Variants in EML4 observed in about 807,000 individuals in gnomAD.
The protein encoded by EML4 is EMAP like 4, also known as echinoderm microtubule-associated protein-like 4.
EML4 carries 72 observed loss-of-function variants against 129.0 expected under a neutral mutation model. That is an observed-to-expected ratio of 0.56 (90% CI 0.46 to 0.68). The LOEUF (loss-of-function observed/expected upper bound fraction) is 0.68, where lower values mean the gene tolerates loss of function less well. EML4 is among the 30% of genes least tolerant of loss of function. The pLI is 0.00. For missense variants in EML4, 1,363 were observed against 1,190.6 expected (o/e 1.14, Z -2.13); for synonymous variants, 532 against 405.0 (o/e 1.31, Z -3.77).
At chr2:42,270,769 C>T (rs1666319917) in intron 6 of EML4, among the ~76,000 whole-genome samples, 1 of 152,158 alleles carries the variant, frequency 6.6e-6, no homozygotes, top group East Asian at 1.9e-4. Flanking sequence ...TCCTTTTTAC[C>T]AAGGTGGTAT....
At chr2:42,183,983 C>A (rs913391197) in intron 1 of EML4, among the ~76,000 whole-genome samples, 1 of 152,106 alleles carries the variant, frequency 6.6e-6, no homozygotes, top group African/African-American at 2.4e-5. Flanking sequence ...GGCCCTCTTT[C>A]TTTCCGGACT....
At chr2:42,249,322 A>G (rs1440938413) in intron 2 of EML4, among the ~76,000 whole-genome samples, 1 of 152,114 alleles carries the variant, frequency 6.6e-6, no homozygotes, top group East Asian at 1.9e-4. Flanking sequence ...ATTAGAATTT[A>G]TAGTATCGAG....
chr2:42,285,691 C>A (rs1179323600), intron 9 of EML4, among the ~76,000 whole-genome samples: 2 of 151,684 alleles, frequency 1.3e-5, no homozygotes, highest in Non-Finnish European at 2.9e-5. Flanking sequence ...CTGTGTCTCC[C>A]AGGTTCAAGC....
chr2:42,236,248 G>T (rs963863828), intron 1 of EML4, among the ~76,000 whole-genome samples: 17 of 152,180 alleles, frequency 1.1e-4, no homozygotes, highest in African/African-American at 4.1e-4. Context: ...AAATGATGTT[G>T]CACATCGCCA....
intron 18 of EML4, 114 bp downstream of exon 18, chr2:42,316,164 G>A (rs1572747758): frequency 1.7e-6 from 1 of 600,388 alleles, no homozygotes; most frequent in African/African-American, 1.9e-5. Context: ...GAGTTGTTAA[G>A]TATTAAATCT....
chr2:42,322,458 T>G (rs768872704), intron 19 of EML4, among the ~76,000 whole-genome samples: 27 of 152,244 alleles, frequency 1.8e-4, no homozygotes, highest in Non-Finnish European at 3.5e-4. Context: ...GTTGCTTGGT[T>G]GTTTTTTAAC....
chr2:42,279,764 G>A (rs7601718), intron 6 of EML4, among the ~76,000 whole-genome samples: 3,513 of 138,890 alleles, frequency 0.025, 122 homozygotes, highest in African/African-American at 0.098. Flanking sequence ...GTGAGCCACC[G>A]CGCCCGGCTG....
chr2:42,185,026 T>C (rs1671168317), intron 1 of EML4, among the ~76,000 whole-genome samples: 1 of 152,208 alleles, frequency 6.6e-6, no homozygotes, highest in Admixed American at 6.5e-5. Context: ...TAATTTTCTC[T>C]CCTTTGTGCA....
chr2:42,325,602 TTATATATATATATATATA>T (rs10530482), intron 20 of EML4, 48 bp downstream of exon 20: 51,696 of 129,444 alleles, frequency 0.4, 11,755 homozygotes, highest in African/African-American at 0.65. Flanking sequence ...ATGATTATAT[TTATATATATATATATATA>T]TATATATATA....
chr2:42,285,439 C>T (rs1374890389), intron 9 of EML4, among the ~76,000 whole-genome samples: 1 of 152,042 alleles, frequency 6.6e-6, no homozygotes. Context: ...TTCTAAGACC[C>T]CTTCCAGTTT....
chr2:42,282,816 T>G lies in EML4; in HGVS notation c.792-7T>G. On this transcript the variant is annotated splice_region_variant and splice_polypyrimidine_tract_variant and intron_variant, in intron 7 of 22. Coordinates refer to ENST00000318522, the MANE Select transcript of EML4 (RefSeq NM_019063.5). ...TTATTTAAAACCTTGACTCTTTTTCTGTTAAGATATGGTTATCGAGGAAAG... is the reference window on the plus strand; with the variant it reads ...TTATTTAAAACCTTGACTCTTTTTCGGTTAAGATATGGTTATCGAGGAAAG... 6.2e-7 allele frequency: 1 copy of G among 1,606,590 alleles called. No individual in the cohort carries two copies. Among genetic ancestry groups the G allele is most frequent in the Non-Finnish European group, 8.5e-7 (1 of 1,177,384 alleles).
At chr2:42,302,496 ATTC>A (rs1280567120) in intron 14 of EML4, among the ~76,000 whole-genome samples, 2 of 151,942 alleles carry the variant, frequency 1.3e-5, no homozygotes, top group African/African-American at 4.8e-5. Flanking sequence ...ACCCGACCAC[ATTC>A]TTCATGTGAT....
At chr2:42,329,142 A>G in intron 22 of EML4, 126 bp downstream of exon 22, 1 of 904,480 alleles carries the variant, frequency 1.1e-6, no homozygotes, top group Non-Finnish European at 1.6e-6. Context: ...GAGGGAGATA[A>G]GGGCCATCGG....
rs1002452165 is a variant in EML4 at position 42,329,690 on chromosome 2, A to G, written c.2473-44A>G. 3 of 1,536,162 alleles carry G rather than the reference A, an allele frequency of 2.0e-6. No homozygotes were observed. In the African/African-American group the frequency reaches 4.1e-5, roughly 21 times the overall value. Reference sequence around the variant, plus strand: ...CTCCATTTCTGAAACAGGCATGTCAAGAATGAGTTTAATTTTCCTGTCTGT... The same window carrying G: ...CTCCATTTCTGAAACAGGCATGTCAGGAATGAGTTTAATTTTCCTGTCTGT... On this transcript the variant is annotated intron_variant, in intron 22 of 22. Coordinates refer to ENST00000318522, the MANE Select transcript of EML4 (RefSeq NM_019063.5).
At chr2:42,300,996 T>C (rs561122810) in intron 13 of EML4, among the ~76,000 whole-genome samples, 4 of 152,344 alleles carry the variant, frequency 2.6e-5, no homozygotes, top group Admixed American at 2.6e-4. Context: ...CTTTGGTTTT[T>C]TGTAGGAAAA....
intron 1 of EML4, among the ~76,000 whole-genome samples, chr2:42,206,062 C>T (rs901330470): frequency 6.6e-6 from 1 of 152,150 alleles, no homozygotes; most frequent in Admixed American, 6.5e-5. Context: ...TACTCTTGTT[C>T]TGCTTTGTGA....
At chr2:42,214,097 G>A (rs1673036883) in intron 1 of EML4, among the ~76,000 whole-genome samples, 1 of 152,094 alleles carries the variant, frequency 6.6e-6, no homozygotes, top group South Asian at 2.1e-4. Context: ...AAATGTAGAA[G>A]TTTAAAACAT....
At chr2:42,305,269 G>C (rs1002366199) in intron 17 of EML4, among the ~76,000 whole-genome samples, 3 of 152,110 alleles carry the variant, frequency 2.0e-5, no homozygotes, top group Admixed American at 2.0e-4. Context: ...ACATTATCAC[G>C]AATTATATTA....
intron 6 of EML4, among the ~76,000 whole-genome samples, chr2:42,275,629 C>T (rs955050428): frequency 8.5e-5 from 13 of 152,286 alleles, no homozygotes; most frequent in African/African-American, 2.4e-4. Flanking sequence ...ATCAGATTGA[C>T]TTAAGAATAT....
Sources: gnomAD v4.1 joint callset for allele counts (sites outside exome capture counted in the v4.1 genomes callset) on GRCh38, gnomAD v4.1.1 for gene constraint, MANE v1.5 for transcripts, NCBI Gene and HGNC (gene_info 2026-07-23, HGNC 2026-07-21) for gene names.